Variants in PAK5 observed in about 807,000 individuals in gnomAD.
The protein encoded by PAK5 is serine/threonine-protein kinase PAK 5.
Under a neutral mutation model 65.9 loss-of-function variants are expected in PAK5, and 16 were observed. The observed-to-expected ratio is 0.24, with a 90% confidence interval of 0.16 to 0.37. The LOEUF (loss-of-function observed/expected upper bound fraction) is 0.37. Ranked by LOEUF, PAK5 falls within the 10% of genes least tolerant of loss-of-function variation. The pLI is 1.00. For synonymous variants in PAK5, 371 were observed against 354.9 expected (o/e 1.05, Z -0.51); for missense variants, 785 against 903.9 (o/e 0.87, Z 1.69).
At chr20:9,731,371 A>G (rs1366775550) in intron 1 of PAK5, among the ~76,000 whole-genome samples, 1 of 152,230 alleles carries the variant, frequency 6.6e-6, no homozygotes, top group Non-Finnish European at 1.5e-5. Context: ...TATCAGTAAC[A>G]CATTTTCACT....
chr20:9,602,562 A>G (rs1454860007), intron 3 of PAK5, among the ~76,000 whole-genome samples: 2 of 152,190 alleles, frequency 1.3e-5, no homozygotes, highest in Admixed American at 1.3e-4. Flanking sequence ...CTGAGAATCT[A>G]AAAGTTCTTT....
intron 1 of PAK5, among the ~76,000 whole-genome samples, chr20:9,815,020 G>A (rs182929054): frequency 2.0e-5 from 3 of 152,266 alleles, no homozygotes; most frequent in Admixed American, 6.5e-5. Context: ...GCAAAGAGGC[G>A]CTACTGTGTG....
At chr20:9,799,691 T>C (rs2049145321) in intron 1 of PAK5, among the ~76,000 whole-genome samples, 1 of 152,006 alleles carries the variant, frequency 6.6e-6, no homozygotes, top group Non-Finnish European at 1.5e-5. Flanking sequence ...TGGGAATATT[T>C]GGCCTAGAAT....
chr20:9,614,689 GA>G (rs1320646890), intron 3 of PAK5, among the ~76,000 whole-genome samples: 2 of 152,126 alleles, frequency 1.3e-5, no homozygotes, highest in South Asian at 2.1e-4. Flanking sequence ...AATGTGTTGA[GA>G]AAAAAACTCC....
chr20:9,767,365 C>T (rs867930326), intron 1 of PAK5, among the ~76,000 whole-genome samples: 17 of 152,228 alleles, frequency 1.1e-4, no homozygotes, highest in Middle Eastern at 3.4e-3. Flanking sequence ...CGCTAAGGTC[C>T]ACTCACCTGT....
chr20:9,575,146 C>T (rs2045863872), intron 4 of PAK5, among the ~76,000 whole-genome samples: 2 of 152,182 alleles, frequency 1.3e-5, no homozygotes, highest in South Asian at 4.1e-4. Context: ...CTGTTGACCC[C>T]AGAAGGAAGT....
chr20:9,559,544 C>G (rs2045561325), intron 6 of PAK5, among the ~76,000 whole-genome samples: 1 of 152,042 alleles, frequency 6.6e-6, no homozygotes, highest in Admixed American at 6.6e-5. Context: ...GGAGGATTGC[C>G]TGAGGTCAGG....
intron 3 of PAK5, among the ~76,000 whole-genome samples, chr20:9,603,769 A>G (rs1281346544): frequency 1.3e-5 from 2 of 152,128 alleles, no homozygotes; most frequent in African/African-American, 4.8e-5. Context: ...TATAATCTCC[A>G]TAACAACCGT....
chr20:9,821,209 C>T (rs985991988), intron 1 of PAK5, among the ~76,000 whole-genome samples: 2 of 151,962 alleles, frequency 1.3e-5, no homozygotes, highest in Non-Finnish European at 2.9e-5. Flanking sequence ...GGTGAAACCC[C>T]ATCTCTACTA....
rs568360028 is a variant in PAK5 at position 9,738,939 on chromosome 20, G to T, written c.-161-27504C>A. On this transcript the variant is annotated intron_variant, in intron 1 of 9. Coordinates refer to ENST00000353224, the MANE Select transcript of PAK5 (RefSeq NM_177990.4). ...AACATTTCAAGTGCTTGATAACCAC[G>T]TGAGGCTAATGGCTACTGTCTGGTC... 2.6e-5 allele frequency among the ~76,000 whole-genome samples: 4 copies of T among 151,958 alleles called. No individual in the cohort carries two copies. In the East Asian group the frequency reaches 7.7e-4, roughly 29 times the overall value.
intron 1 of PAK5, among the ~76,000 whole-genome samples, chr20:9,785,290 A>G (rs1341798509): frequency 1.3e-5 from 2 of 152,172 alleles, no homozygotes; most frequent in African/African-American, 4.8e-5. Flanking sequence ...TATTATACAC[A>G]TTATCACTTG....
intron 3 of PAK5, among the ~76,000 whole-genome samples, chr20:9,635,473 C>T (rs906699704): frequency 5.3e-5 from 8 of 152,118 alleles, no homozygotes; most frequent in Admixed American, 2.6e-4. Context: ...CACCCCTCTC[C>T]CCATCATGCT....
At chr20:9,585,337 C>T (rs79115536) in intron 3 of PAK5, among the ~76,000 whole-genome samples, 1,601 of 152,192 alleles carry the variant, frequency 0.011, 14 homozygotes, top group Non-Finnish European at 0.017. Flanking sequence ...GTTGACTTTG[C>T]CAACAATATT....
intron 3 of PAK5, among the ~76,000 whole-genome samples, chr20:9,591,608 G>A (rs563456441): frequency 7.8e-6 from 1 of 128,006 alleles, no homozygotes; most frequent in South Asian, 2.3e-4. Flanking sequence ...ATTTACTCAA[G>A]ATTCTGACAT....
chr20:9,811,059 T>C (rs2049292487), intron 1 of PAK5, among the ~76,000 whole-genome samples: 1 of 152,198 alleles, frequency 6.6e-6, no homozygotes, highest in Non-Finnish European at 1.5e-5. Context: ...TATGATTTGC[T>C]GCAGATTTTC....
At chr20:9,715,541 A>G (rs1243493544) in intron 1 of PAK5, among the ~76,000 whole-genome samples, 6 of 152,164 alleles carry the variant, frequency 3.9e-5, no homozygotes, top group African/African-American at 1.4e-4. Context: ...CCATCCCATT[A>G]CTGGGTATAT....
intron 3 of PAK5, among the ~76,000 whole-genome samples, chr20:9,607,147 G>A (rs567306666): frequency 1.1e-4 from 16 of 152,234 alleles, no homozygotes; most frequent in South Asian, 4.2e-4. Flanking sequence ...CACCATGTTC[G>A]ACTGAGTGAT....
At chr20:9,813,158 T>TA (rs1325473631) in intron 1 of PAK5, among the ~76,000 whole-genome samples, 1 of 152,046 alleles carries the variant, frequency 6.6e-6, no homozygotes, top group Admixed American at 6.6e-5. Context: ...TTCACGTATA[T>TA]AAAAAATTCT....
chr20:9,597,773 T>C (rs1272158793), intron 3 of PAK5, among the ~76,000 whole-genome samples: 2 of 152,154 alleles, frequency 1.3e-5, no homozygotes, highest in East Asian at 1.9e-4. Context: ...TGTACTAGCC[T>C]GGTGAATGAT....
Sources: allele counts gnomAD v4.1 joint callset (sites outside exome capture counted in the v4.1 genomes callset), GRCh38; gene constraint gnomAD v4.1.1; transcripts MANE v1.5; gene names NCBI Gene and HGNC (gene_info 2026-07-23, HGNC 2026-07-21).